The following SNAP91 variants were observed in gnomAD, a reference collection of about 807,000 sequenced individuals.
The protein encoded by SNAP91 is synaptosome associated protein 91, also known as clathrin coat assembly protein AP180.
SNAP91 carries 27 observed loss-of-function variants against 100.3 expected under a neutral mutation model. That is an observed-to-expected ratio of 0.27 (90% CI 0.20 to 0.37). The LOEUF (loss-of-function observed/expected upper bound fraction) is 0.37. SNAP91 is among the 10% of genes least tolerant of loss of function. The probability of loss-of-function intolerance (pLI) is 1.00; values close to 1 mark genes in which losing one functional copy is unlikely to be tolerated. For synonymous variants in SNAP91, 404 were observed against 398.6 expected (o/e 1.01, Z -0.16); for missense variants, 986 against 1,123.7 (o/e 0.88, Z 1.75).
intron 25 of SNAP91, 63 bp downstream of exon 25, chr6:83,575,960 G>A (rs903586809): frequency 2.3e-6 from 2 of 856,428 alleles, no homozygotes; most frequent in African/African-American, 1.8e-5. Flanking sequence ...TAAAATGGTT[G>A]ATAGTCTCAA....
At chr6:83,650,806 A>G (rs1234773451) in intron 7 of SNAP91, among the ~76,000 whole-genome samples, 33 of 152,178 alleles carry the variant, frequency 2.2e-4, no homozygotes, top group Non-Finnish European at 2.9e-5. Flanking sequence ...CTCTATTTCT[A>G]TCTTCTGGAA....
chr6:83,594,775 T>A (rs2094269995), intron 16 of SNAP91, among the ~76,000 whole-genome samples: 1 of 152,118 alleles, frequency 6.6e-6, no homozygotes, highest in Admixed American at 6.5e-5. Flanking sequence ...TTATGTATCA[T>A]TAGAAATTAA....
intron 2 of SNAP91, among the ~76,000 whole-genome samples, chr6:83,700,906 G>GT (rs1177099144): frequency 2.6e-5 from 4 of 152,122 alleles, no homozygotes; most frequent in Admixed American, 2.6e-4. Context: ...CTCAGAGGGT[G>GT]TTTAAATAAT....
At chr6:83,688,711 G>C (rs538294101) in intron 2 of SNAP91, among the ~76,000 whole-genome samples, 1 of 152,084 alleles carries the variant, frequency 6.6e-6, no homozygotes, top group Admixed American at 6.5e-5. Flanking sequence ...CACCATGTTG[G>C]CCAGGATGGC....
chr6:83,593,307 T>C (rs1003709549), intron 18 of SNAP91, 48 bp from the exon 19 acceptor site: 2 of 1,543,352 alleles, frequency 1.3e-6, no homozygotes, highest in East Asian at 4.8e-5. Context: ...ACAATAAGCC[T>C]GACACAGCAT....
At chr6:83,610,734 T>TG in intron 11 of SNAP91, 57 bp from the exon 12 acceptor site, 1 of 211,652 alleles carries the variant, frequency 4.7e-6, no homozygotes, top group South Asian at 2.1e-4. Flanking sequence ...TATATATATA[T>TG]ATATATATAT....
At chr6:83,593,159 A>G (rs755582333) in intron 19 of SNAP91, 23 bp downstream of exon 19, 1 of 1,567,110 alleles carries the variant, frequency 6.4e-7, no homozygotes, top group Admixed American at 1.9e-5. Context: ...TAAAGTGAAA[A>G]AAAAGGGTTG....
At chr6:83,626,314 T>C (rs2096927385) in intron 8 of SNAP91, among the ~76,000 whole-genome samples, 1 of 152,180 alleles carries the variant, frequency 6.6e-6, no homozygotes, top group Non-Finnish European at 1.5e-5. Flanking sequence ...CTTCGTTCTT[T>C]TTGCTTAAGA....
chr6:83,663,621 T>C (rs78406106), intron 3 of SNAP91, among the ~76,000 whole-genome samples: 4,196 of 152,136 alleles, frequency 0.028, 186 homozygotes, highest in African/African-American at 0.093. Flanking sequence ...GAATAAAAGT[T>C]TGATGCTAGC....
chr6:83,654,390 T>C (rs1237814282), intron 7 of SNAP91, among the ~76,000 whole-genome samples: 4 of 152,196 alleles, frequency 2.6e-5, no homozygotes, highest in African/African-American at 7.2e-5. Context: ...TTAGGACATA[T>C]TGGTGACTTC....
At position 83,594,255 on chromosome 6, in the gene SNAP91, T is replaced by G. The variant is rs544060880; in HGVS notation, c.1432+119A>C. On this transcript the variant is annotated intron_variant, in intron 17 of 29. Coordinates refer to ENST00000369694, the MANE Select transcript of SNAP91 (RefSeq NM_001242792.2). ...GCTGGCATTATTTATTTAGTTATGATGAATGATACTTTACACTCAGAAGAA... is the reference window on the plus strand; with the variant it reads ...GCTGGCATTATTTATTTAGTTATGAGGAATGATACTTTACACTCAGAAGAA... 5.5e-6 allele frequency: 4 copies of G among 731,512 alleles called. No homozygotes were observed. In the Admixed American group the frequency reaches 7.4e-5, roughly 13 times the overall value. 45.3% of individuals were successfully genotyped at this position (731,512 alleles called of 1,614,324 possible).
intron 8 of SNAP91, among the ~76,000 whole-genome samples, chr6:83,635,494 CA>C (rs1196645708): frequency 6.6e-6 from 1 of 152,072 alleles, no homozygotes; most frequent in Non-Finnish European, 1.5e-5. Context: ...TTATCTGATA[CA>C]AGAGCAACAA....
chr6:83,576,145 A>C, intron 24 of SNAP91, 92 bp from the exon 25 acceptor site: 1 of 655,554 alleles, frequency 1.5e-6, no homozygotes, highest in Non-Finnish European at 2.5e-6. Flanking sequence ...GAAGTCTATA[A>C]AAAAGTCCTT....
chr6:83,627,618 G>A (rs2096995315), intron 8 of SNAP91, among the ~76,000 whole-genome samples: 1 of 151,874 alleles, frequency 6.6e-6, no homozygotes, highest in South Asian at 2.1e-4. Flanking sequence ...ATTTCCTCTA[G>A]ATTTCTACTT....
intron 26 of SNAP91, among the ~76,000 whole-genome samples, chr6:83,570,844 T>C (rs1320641772): frequency 6.6e-6 from 1 of 152,144 alleles, no homozygotes; most frequent in East Asian, 1.9e-4. Flanking sequence ...AGGGCTCTCA[T>C]GGAGAACCTC....
chr6:83,707,191 C>T lies in SNAP91; in HGVS notation c.130+607G>A, dbSNP rs141749577. 2.1e-3 allele frequency among the ~76,000 whole-genome samples: 322 copies of T among 152,164 alleles called. 1 individual carries two copies. The highest frequency in any genetic ancestry group is 3.6e-3 in the Non-Finnish European group (242 of 68,010). ...GCCAGGATGTGTAAAATGAAATTGC[C>T]ATAGCTATGAAGTCCAATTTCCTCA... On this transcript the variant is annotated intron_variant, in intron 2 of 29. Coordinates refer to ENST00000369694, the MANE Select transcript of SNAP91 (RefSeq NM_001242792.2).
intron 11 of SNAP91, among the ~76,000 whole-genome samples, chr6:83,612,364 T>G (rs561274512): frequency 1.3e-5 from 2 of 152,132 alleles, no homozygotes; most frequent in Non-Finnish European, 2.9e-5. Flanking sequence ...ATTTCTCCAC[T>G]TCCACTATTT....
chr6:83,580,025 C>T (rs1446883902), intron 24 of SNAP91, among the ~76,000 whole-genome samples: 2 of 152,172 alleles, frequency 1.3e-5, no homozygotes, highest in Admixed American at 6.5e-5. Flanking sequence ...TGGAAGAATG[C>T]TTGGTATTCA....
chr6:83,693,203 G>A (rs986154381), intron 2 of SNAP91, among the ~76,000 whole-genome samples: 25 of 152,170 alleles, frequency 1.6e-4, no homozygotes, highest in Middle Eastern at 3.2e-3. Flanking sequence ...CTCATTAGGC[G>A]TGGGACCTTG....
Sources: gnomAD v4.1 joint callset for allele counts (sites outside exome capture counted in the v4.1 genomes callset) on GRCh38, gnomAD v4.1.1 for gene constraint, MANE v1.5 for transcripts, NCBI Gene and HGNC (gene_info 2026-07-23, HGNC 2026-07-21) for gene names.